Variants in COPG1 observed in about 807,000 individuals in gnomAD.
COPG1 encodes coatomer subunit gamma-1.
In COPG1, 29 loss-of-function variants were observed where a neutral mutation model predicts 102.8. The ratio of observed to expected loss-of-function variants is 0.28; its 90% confidence interval spans 0.21 to 0.38. The LOEUF is 0.38. COPG1 is among the 10% of genes least tolerant of loss of function. The pLI, the probability that COPG1 is intolerant of heterozygous loss-of-function variation, is 1.00. For synonymous variants in COPG1, 406 were observed against 421.6 expected (o/e 0.96, Z 0.45); for missense variants, 875 against 1,132.7 (o/e 0.77, Z 3.27).
intron 10 of COPG1, among the ~76,000 whole-genome samples, chr3:129,259,836 C>T (rs1939889872): frequency 6.6e-6 from 1 of 152,132 alleles, no homozygotes; most frequent in Admixed American, 6.5e-5. Context: ...CACTTGGTGC[C>T]AAGGGGGAAG....
intron 12 of COPG1, among the ~76,000 whole-genome samples, chr3:129,262,791 G>A (rs909899054): frequency 1.3e-5 from 2 of 151,700 alleles, no homozygotes; most frequent in Non-Finnish European, 2.9e-5. Flanking sequence ...GGCTGAGGTC[G>A]GCAGATCACT....
chr3:129,264,954 T>G (rs1940021540), intron 13 of COPG1, among the ~76,000 whole-genome samples: 1 of 151,728 alleles, frequency 6.6e-6, no homozygotes, highest in Non-Finnish European at 1.5e-5. Flanking sequence ...CCCGAGTACC[T>G]AGGACTACAG....
chr3:129,254,956 T>A, intron 6 of COPG1, 29 bp from the exon 7 acceptor site: 1 of 1,587,762 alleles, frequency 6.3e-7, no homozygotes, highest in Non-Finnish European at 8.6e-7. Context: ...TGACTGGATC[T>A]CCTTCCACCC....
At position 129,249,734 on chromosome 3, in the gene COPG1, G is replaced by T. The variant is rs777274231; in HGVS notation, c.25G>T (p.Asp9Tyr). The change falls in exon 1 of 24, where the codon GAT (aspartate) becomes TAT (tyrosine). Residue 9 changes from aspartate to tyrosine, a missense_variant. Asp to Tyr is a radical substitution (Grantham distance 160). Coordinates refer to ENST00000314797, the MANE Select transcript of COPG1 (RefSeq NM_016128.4). ...TATGTTGAAGAAATTCGACAAGAAG[G>T]ATGAGGAGTCAGGTGAGGGGGCCAG... MLKKFDKK[D>Y]EESGGGSNPF... is the part of the protein sequence containing the mutation. 2 of 1,551,476 alleles carry T rather than the reference G, an allele frequency of 1.3e-6. No individual in the cohort carries two copies. The highest frequency in any genetic ancestry group is 1.2e-5 in the South Asian group (1 of 84,038).
intron 5 of COPG1, among the ~76,000 whole-genome samples, chr3:129,253,871 A>G (rs1939747408): frequency 6.6e-6 from 1 of 151,924 alleles, no homozygotes; most frequent in Non-Finnish European, 1.5e-5. Flanking sequence ...GTGGTGGCGC[A>G]CACCTATAAT....
intron 16 of COPG1, 56 bp downstream of exon 16, chr3:129,268,096 A>C: frequency 1.0e-4 from 144 of 1,429,008 alleles, no homozygotes; most frequent in Middle Eastern, 3.5e-4. Flanking sequence ...TGTGGTTCTC[A>C]TCACTCCCTG....
chr3:129,269,218 A>C (rs1940143549), intron 18 of COPG1, among the ~76,000 whole-genome samples: 1 of 152,182 alleles, frequency 6.6e-6, no homozygotes, highest in South Asian at 2.1e-4. Flanking sequence ...AGGGGCTGGA[A>C]TTAAGGTCCC....
chr3:129,269,665 T>C (rs1940149323), intron 18 of COPG1, among the ~76,000 whole-genome samples: 1 of 152,058 alleles, frequency 6.6e-6, no homozygotes, highest in South Asian at 2.1e-4. Flanking sequence ...CCAATTAATG[T>C]TGAATTAAAT....
intron 21 of COPG1, chr3:129,274,256 A>G: frequency 2.8e-6 from 1 of 361,508 alleles, no homozygotes; most frequent in Non-Finnish European, 5.5e-6. Context: ...CCACAGGAGT[A>G]GGGCCTCAGT....
chr3:129,249,742 G>A lies in COPG1; in HGVS notation c.33G>A (p.Glu11=), dbSNP rs1939651703. Residue 11 remains glutamate (E), a synonymous_variant, in exon 1 of 24, where the codon GAG becomes GAA. Coordinates refer to ENST00000314797, the MANE Select transcript of COPG1 (RefSeq NM_016128.4). MLKKFDKKDE[E]SGGGSNPFQH... ...AGAAATTCGACAAGAAGGATGAGGA[G>A]TCAGGTGAGGGGGCCAGGCCTGGGT... 3 of 1,551,504 alleles carry A rather than the reference G, an allele frequency of 1.9e-6. No homozygotes were observed. Among genetic ancestry groups the A allele is most frequent in the East Asian group, 4.9e-5 (2 of 40,922 alleles).
At chr3:129,272,540 A>G in intron 20 of COPG1, 125 bp downstream of exon 20, 1 of 823,820 alleles carries the variant, frequency 1.2e-6, no homozygotes. Flanking sequence ...CAGTCCCAAG[A>G]AGAAGAATAG....
chr3:129,272,807 T>A lies in COPG1; in HGVS notation c.2159T>A (p.Val720Glu). ...VALPKEDPTA[V>E]ACTFSCMMKF... ...ACTACCCAGCCTCTCTTCCCCACAG[T>A]GGCCTGCACATTCAGCTGCATGATG... Residue 720 changes from valine to glutamate, a missense_variant and splice_region_variant, in exon 21 of 24, where the codon GTG becomes GAG. Physicochemically the swap from Val to Glu is moderately radical, Grantham distance 121 (BLOSUM62 -2). Coordinates refer to ENST00000314797, the MANE Select transcript of COPG1 (RefSeq NM_016128.4). The A allele has an allele frequency of 6.2e-7, 1 of 1,607,950 alleles. No individual in the cohort carries two copies. The highest frequency in any genetic ancestry group is 8.5e-7 in the Non-Finnish European group (1 of 1,175,084).
intron 16 of COPG1, 92 bp from the exon 17 acceptor site, chr3:129,268,403 C>A: frequency 7.3e-7 from 1 of 1,373,878 alleles, no homozygotes; most frequent in Non-Finnish European, 1.0e-6. Context: ...CTACTTAGGA[C>A]TTGTAACTTC....
intron 8 of COPG1, among the ~76,000 whole-genome samples, chr3:129,256,599 G>A (rs909037264): frequency 1.3e-5 from 2 of 152,224 alleles, no homozygotes; most frequent in African/African-American, 2.4e-5. Flanking sequence ...TGGTTTCCTT[G>A]TCTGTAAAAT....
At chr3:129,270,586 G>A (rs1415472046) in intron 18 of COPG1, among the ~76,000 whole-genome samples, 1 of 152,154 alleles carries the variant, frequency 6.6e-6, no homozygotes, top group Non-Finnish European at 1.5e-5. Flanking sequence ...CTAATATCTA[G>A]CCTGGATTGT....
intron 3 of COPG1, 121 bp from the exon 4 acceptor site, chr3:129,252,502 C>A: frequency 9.7e-7 from 1 of 1,034,544 alleles, no homozygotes; most frequent in Non-Finnish European, 1.5e-6. Context: ...CCTCAGCATC[C>A]AAGTCTCATA....
chr3:129,263,186 T>C (rs1939974999), intron 12 of COPG1, among the ~76,000 whole-genome samples: 1 of 151,712 alleles, frequency 6.6e-6, no homozygotes, highest in South Asian at 2.1e-4. Context: ...GCAGGGTTGG[T>C]GTGAGGGTTG....
chr3:129,269,121 C>T, intron 18 of COPG1, 121 bp downstream of exon 18: 1 of 816,598 alleles, frequency 1.2e-6, no homozygotes, highest in Non-Finnish European at 2.1e-6. Context: ...TGCTTTAGAC[C>T]TACTATCACA....
At chr3:129,255,734 C>T (rs996080438) in intron 7 of COPG1, among the ~76,000 whole-genome samples, 9 of 152,100 alleles carry the variant, frequency 5.9e-5, no homozygotes, top group Non-Finnish European at 8.8e-5. Context: ...CCACCCGCCT[C>T]GGCCTCCCAA....
Sources: allele counts gnomAD v4.1 joint callset (sites outside exome capture counted in the v4.1 genomes callset), GRCh38; gene constraint gnomAD v4.1.1; transcripts MANE v1.5; gene names NCBI Gene and HGNC (gene_info 2026-07-23, HGNC 2026-07-21).